Variants in C1QTNF4 observed in about 807,000 individuals in gnomAD.
The protein encoded by C1QTNF4 is complement C1q tumor necrosis factor-related protein 4.
A neutral mutation model predicts 14.6 loss-of-function variants in C1QTNF4; 12 were observed. That is an observed-to-expected ratio of 0.82 (90% CI 0.53 to 1.33). C1QTNF4 has a LOEUF of 1.33. Among genes scored for constraint, C1QTNF4 ranks in the 40% most tolerant of loss-of-function variants. The probability of loss-of-function intolerance (pLI) is 0.00; values close to 1 mark genes in which losing one functional copy is unlikely to be tolerated. For missense variants in C1QTNF4, 558 were observed against 500.3 expected (o/e 1.12, Z -1.10); for synonymous variants, 278 against 246.6 (o/e 1.13, Z -1.19).
At position 47,589,954 on chromosome 11, in the gene C1QTNF4, A is replaced by T; in HGVS notation, c.857T>A (p.Leu286Gln). ...GTAGCCGTCGTGGTCGTGGCTGAGC[A>T]GCCAGACGGCGTCGCCGCGCCGCAG... is the stretch of plus-strand genomic sequence containing the variant. ...LALRRGDAVW[L>Q]LSHDHDGYGA... is the part of the protein sequence containing the mutation. Residue 286 changes from leucine (L) to glutamine (Q), a missense_variant, in exon 2 of 2, where the codon CTG becomes CAG. Transcript: ENST00000302514. 6.2e-7 allele frequency: 1 copy of T among 1,610,390 alleles called. No individual in the cohort carries two copies. The highest frequency in any genetic ancestry group is 8.5e-7 in the Non-Finnish European group (1 of 1,178,196).
intron 1 of C1QTNF4, among the ~76,000 whole-genome samples, chr11:47,591,292 C>G (rs1442682172): frequency 6.6e-6 from 1 of 151,450 alleles, no homozygotes; most frequent in East Asian, 1.9e-4. Flanking sequence ...GTTGGCCAGG[C>G]TGGTCTTGAA....
upstream of C1QTNF4, among the ~76,000 whole-genome samples, chr11:47,594,815 T>C (rs1370445935): frequency 6.6e-6 from 1 of 152,062 alleles, no homozygotes; most frequent in African/African-American, 2.4e-5. Context: ...TGGGTCAATG[T>C]TGCCAGTAAA....
rs770068382 is a variant in C1QTNF4 at position 47,589,849 on chromosome 11, G to A, written c.962C>T (p.Pro321Leu). The A allele has an allele frequency of 6.1e-5, 95 of 1,547,528 alleles. 1 individual carries two copies. The highest frequency in any genetic ancestry group is 7.9e-5 in the Non-Finnish European group (90 of 1,144,550). Residue 321 changes from proline (P) to leucine (L), a missense_variant, in exon 2 of 2, where the codon CCG (proline) becomes CTG (leucine). Pro to Leu is a moderately conservative substitution (Grantham distance 98). Coordinates refer to ENST00000302514, the MANE Select transcript of C1QTNF4 (RefSeq NM_031909.3). Reference sequence around the variant, plus strand: ...CAGTAGCTCCGAGGCCCCGAGGCCCGGCGGGGCGGCGGGGGCGAGGTCGGG... The same window carrying A: ...CAGTAGCTCCGAGGCCCCGAGGCCCAGCGGGGCGGCGGGGGCGAGGTCGGG... Reference protein sequence around the residue: ...VYPDLAPAAPPGLGASELL With the variant: ...VYPDLAPAAPLGLGASELL
rs2097276859 is a variant in C1QTNF4 at position 47,594,154 on chromosome 11, G to C, written c.-12C>G. 1 of 152,286 alleles carries C rather than the reference G, an allele frequency of 6.6e-6. No individual in the cohort carries two copies. Among genetic ancestry groups the C allele is most frequent in the South Asian group, 2.1e-4 (1 of 4,830 alleles). The allele number at this position is 152,286 out of a possible 1,614,324, so 9.4% of individuals were successfully genotyped here. A position where few individuals can be genotyped will look rare whatever the true frequency, so the allele number is the denominator to read the frequency against. On this transcript the variant is annotated 5_prime_UTR_variant, in exon 1 of 2. Transcript: ENST00000302514. The stretch of plus-strand genomic sequence containing the variant: ...TCCCCTCAGCTGCCCTCACCTGGCT[G>C]GGGGCGGCGGTCGAGTCGGGTTCGG...
At chr11:47,592,941 C>T (rs1406120821) in intron 1 of C1QTNF4, among the ~76,000 whole-genome samples, 1 of 152,198 alleles carries the variant, frequency 6.6e-6, no homozygotes, top group African/African-American at 2.4e-5. Context: ...GTAATTCTCA[C>T]AAAGGTGTCC....
At chr11:47,593,023 C>T (rs11601694) in intron 1 of C1QTNF4, among the ~76,000 whole-genome samples, 3,925 of 152,294 alleles carry the variant, frequency 0.026, 49 homozygotes, top group Non-Finnish European at 0.04. Flanking sequence ...GTGAAGATGG[C>T]ACCTCACAAG....
intron 1 of C1QTNF4, among the ~76,000 whole-genome samples, chr11:47,591,057 G>A (rs1257703501): frequency 6.6e-6 from 1 of 152,144 alleles, no homozygotes; most frequent in East Asian, 1.9e-4. Context: ...TCTGTGATGG[G>A]CCTGATAATT....
Position 47,589,920 on chromosome 11 carries a change from G to A in C1QTNF4, c.891C>T (p.Tyr297=), listed in dbSNP as rs889722650. The change falls in exon 2 of 2, where the codon TAC becomes TAT. Residue 297 remains tyrosine, a synonymous_variant. Coordinates refer to ENST00000302514, the MANE Select transcript of C1QTNF4 (RefSeq NM_031909.3). ...LSHDHDGYGA[Y]SNHGKYITFS... The stretch of plus-strand genomic sequence containing the variant: ...AGGTGATGTACTTGCCGTGGTTGCT[G>A]TAGGCGCCGTAGCCGTCGTGGTCGT... 2 of 1,599,802 alleles carry A rather than the reference G, an allele frequency of 1.3e-6. No homozygotes were observed. Among genetic ancestry groups the A allele is most frequent in the Non-Finnish European group, 1.7e-6 (2 of 1,173,312 alleles).
Position 47,590,615 on chromosome 11 carries a change from C to G in C1QTNF4, c.196G>C (p.Gly66Arg). Residue 66 changes from glycine (G) to arginine (R), a missense_variant, in exon 2 of 2, where the codon GGC (glycine) becomes CGC (arginine). Gly to Arg is a moderately radical substitution (Grantham distance 125, BLOSUM62 -2). Coordinates refer to ENST00000302514, the MANE Select transcript of C1QTNF4 (RefSeq NM_031909.3). ...NIGGDFDVAT[G>R]QFRCRVPGAY... ...CCGGGCACGCGGCAGCGAAACTGGC[C>G]GGTGGCCACATCGAAGTCGCCCCCG... 6.2e-7 allele frequency: 1 copy of G among 1,609,718 alleles called. No homozygotes were observed.
chr11:47,589,679 C>A lies in C1QTNF4; in HGVS notation c.*142G>T. The A allele has an allele frequency of 1.3e-6, 1 of 788,792 alleles. No individual in the cohort carries two copies. Among genetic ancestry groups the A allele is most frequent in the Non-Finnish European group, 1.9e-6 (1 of 538,422 alleles). The allele number at this position is 788,792 out of a possible 1,614,324, so 48.9% of individuals were successfully genotyped here. ...CAGCGCAGGGGCCTGGGCTGCCGGG[C>A]GCTGCGCGTGCCCGCTTTCCGCTTT... On this transcript the variant is annotated 3_prime_UTR_variant, in exon 2 of 2. Transcript: ENST00000302514.
Position 47,590,265 on chromosome 11 carries a change from C to T in C1QTNF4, c.546G>A (p.Ala182=). Residue 182 remains alanine (A), a synonymous_variant, in exon 2 of 2, where the codon GCG becomes GCA. Transcript: ENST00000302514. ...PPEPRSAFSA[A]RTRSLVGSDA... ...CCGAGCCCACCAAGCTGCGCGTGCG[C>T]GCCGCCGAGAAGGCCGAGCGCGGCT... The T allele has an allele frequency of 2.9e-6, 4 of 1,382,764 alleles. No individual in the cohort carries two copies. The highest frequency in any genetic ancestry group is 1.9e-6 in the Non-Finnish European group (2 of 1,074,618). 85.7% of individuals were successfully genotyped at this position (1,382,764 alleles called of 1,614,324 possible).
intron 1 of C1QTNF4, among the ~76,000 whole-genome samples, chr11:47,593,725 A>T (rs185305382): frequency 2.0e-5 from 3 of 152,038 alleles, no homozygotes; most frequent in Admixed American, 1.3e-4. Flanking sequence ...AAAGAGAAAA[A>T]CTGGGACACA....
At position 47,590,520 on chromosome 11, in the gene C1QTNF4, G is replaced by A. The variant is rs1042988606; in HGVS notation, c.291C>T (p.Asn97=). The A allele has an allele frequency of 1.9e-5, 30 of 1,586,352 alleles. No individual in the cohort carries two copies. The highest frequency in any genetic ancestry group is 2.1e-5 in the Non-Finnish European group (25 of 1,167,830). ...HKSLSVMLVR[N]RDEVQALAFD... ...AGGCCAGCGCCTGCACCTCGTCGCG[G>A]TTTCGCACCAGCATCACCGACAGGC... Residue 97 remains asparagine (N), a synonymous_variant, in exon 2 of 2, where the codon AAC becomes AAT. Transcript: ENST00000302514.
chr11:47,590,694 G>C lies in C1QTNF4; in HGVS notation c.117C>G (p.Pro39=), dbSNP rs148853380. 6.2e-6 allele frequency: 10 copies of C among 1,611,416 alleles called. No individual in the cohort carries two copies. The highest frequency in any genetic ancestry group is 3.3e-5 in the South Asian group (3 of 90,958). The change falls in exon 2 of 2, where the codon CCC becomes CCG. Residue 39 remains proline (P), a synonymous_variant. Transcript: ENST00000302514. The part of the protein sequence containing the change: ...RSAFSAARTT[P]LEGTSEMAVT... ...CCGCCATCTCCGACGTGCCCTCCAG[G>C]GGGGTGGTGCGTGCCGCCGAGAAGG...
rs1271614680 is a variant in C1QTNF4 at position 47,590,225 on chromosome 11, G to A, written c.586C>T (p.Pro196Ser). 2 of 1,539,366 alleles carry A rather than the reference G, an allele frequency of 1.3e-6. No individual in the cohort carries two copies. The highest frequency in any genetic ancestry group is 2.3e-5 in the East Asian group (1 of 42,946). The change falls in exon 2 of 2, where the codon CCG becomes TCG. Residue 196 changes from proline to serine, a missense_variant. Pro to Ser is a moderately conservative substitution (Grantham distance 74). Transcript: ENST00000302514. ...SLVGSDAGPG[P>S]RHQPLAFDTE... is the part of the protein sequence containing the mutation. ...TCGAAGGCGAGTGGTTGGTGCCGCG[G>A]CCCGGGGCCAGCGTCCGAGCCCACC... is the stretch of plus-strand genomic sequence containing the variant.
Position 47,590,777 on chromosome 11 carries a change from C to A in C1QTNF4, c.34G>T (p.Ala12Ser), listed in dbSNP as rs2153796074. 1 of 1,540,474 alleles carries A rather than the reference C, an allele frequency of 6.5e-7. No homozygotes were observed. Among genetic ancestry groups the A allele is most frequent in the Non-Finnish European group, 8.7e-7 (1 of 1,149,084 alleles). The change falls in exon 2 of 2, where the codon GCG (alanine) becomes TCG (serine). Residue 12 changes from alanine (A) to serine (S), a missense_variant. Transcript: ENST00000302514. Reference protein sequence around the residue: ...LPLLLGLLGPAACWALGPTPG... With the variant: ...LPLLLGLLGPSACWALGPTPG... ...GTCGGGCCCAGGGCCCAGCAGGCCG[C>A]TGGGCCCAGCAGGCCCAGCAGAAGC...
chr11:47,590,594 G>A lies in C1QTNF4; in HGVS notation c.217C>T (p.Pro73Ser). The A allele has an allele frequency of 1.2e-6, 2 of 1,606,146 alleles. No homozygotes were observed. Among genetic ancestry groups the A allele is most frequent in the African/African-American group, 1.3e-5 (1 of 74,854 alleles). The change falls in exon 2 of 2, where the codon CCC (proline) becomes TCC (serine). Residue 73 changes from proline to serine, a missense_variant. Physicochemically the swap from Pro to Ser is moderately conservative, Grantham distance 74 (BLOSUM62 -1). Coordinates refer to ENST00000302514, the MANE Select transcript of C1QTNF4 (RefSeq NM_031909.3). ...GTGAAGGAGAAGAAGTAGGCGCCGG[G>A]CACGCGGCAGCGAAACTGGCCGGTG... ...VATGQFRCRVPGAYFFSFTAG... is the reference protein window; with the variant it reads ...VATGQFRCRVSGAYFFSFTAG...
rs765792933 is a variant in C1QTNF4 at position 47,590,267 on chromosome 11, C to T, written c.544G>A (p.Ala182Thr). The change falls in exon 2 of 2, where the codon GCG (alanine) becomes ACG (threonine). Residue 182 changes from alanine (A) to threonine (T), a missense_variant. Physicochemically the swap from Ala to Thr is moderately conservative, Grantham distance 58. Transcript: ENST00000302514. ...GAGCCCACCAAGCTGCGCGTGCGCG[C>T]CGCCGAGAAGGCCGAGCGCGGCTCG... is the stretch of plus-strand genomic sequence containing the variant. ...PPEPRSAFSA[A>T]RTRSLVGSDA... 1 of 1,372,392 alleles carries T rather than the reference C, an allele frequency of 7.3e-7. No individual in the cohort carries two copies. Among genetic ancestry groups the T allele is most frequent in the Non-Finnish European group, 9.4e-7 (1 of 1,068,640 alleles). 85.0% of individuals were successfully genotyped at this position (1,372,392 alleles called of 1,614,324 possible). A position where few individuals can be genotyped will look rare whatever the true frequency, so the allele number is the denominator to read the frequency against.
In C1QTNF4 at chr11:47,590,785, A is replaced by C; in HGVS notation, c.26T>G (p.Leu9Arg). 1 of 1,517,172 alleles carries C rather than the reference A, an allele frequency of 6.6e-7. No homozygotes were observed. Among genetic ancestry groups the C allele is most frequent in the Non-Finnish European group, 8.8e-7 (1 of 1,138,540 alleles). The allele number at this position is 1,517,172 out of a possible 1,614,324, so 94.0% of individuals were successfully genotyped here. A position where few individuals can be genotyped will look rare whatever the true frequency, so the allele number is the denominator to read the frequency against. Reference sequence around the variant, plus strand: ...CAGGGCCCAGCAGGCCGCTGGGCCCAGCAGGCCCAGCAGAAGCGGCAGCAT... The same window carrying C: ...CAGGGCCCAGCAGGCCGCTGGGCCCCGCAGGCCCAGCAGAAGCGGCAGCAT... MLPLLLGL[L>R]GPAACWALGP... The change falls in exon 2 of 2, where the codon CTG (leucine) becomes CGG (arginine). Residue 9 changes from leucine to arginine, a missense_variant. Transcript: ENST00000302514.
Sources: allele counts gnomAD v4.1 joint callset (sites outside exome capture counted in the v4.1 genomes callset), GRCh38; gene constraint gnomAD v4.1.1; transcripts MANE v1.5; gene names NCBI Gene and HGNC (gene_info 2026-07-23, HGNC 2026-07-21).